The following CBLC variants were observed in gnomAD, a reference collection of about 807,000 sequenced individuals.
The protein encoded by CBLC is Cbl proto-oncogene C, also known as E3 ubiquitin-protein ligase CBL-C.
Under a neutral mutation model 58.6 loss-of-function variants are expected in CBLC, and 46 were observed. The observed-to-expected ratio is 0.79, with a 90% CI of 0.62 to 1.00. CBLC has a LOEUF of 1.00. CBLC is among the 50% of genes least tolerant of loss of function. CBLC has a pLI of 0.00. For missense variants in CBLC, 655 were observed against 625.8 expected (o/e 1.05, Z -0.50); for synonymous variants, 271 against 264.2 (o/e 1.03, Z -0.25).
intron 7 of CBLC, 79 bp from the exon 8 acceptor site, chr19:44,793,395 G>T: frequency 7.0e-7 from 1 of 1,433,632 alleles, no homozygotes; most frequent in Admixed American, 2.6e-5. Flanking sequence ...AATCTTTTGG[G>T]CGGGGAGCTC....
chr19:44,799,890 A>G (rs1332380118), intron 9 of CBLC, among the ~76,000 whole-genome samples: 1 of 152,150 alleles, frequency 6.6e-6, no homozygotes, highest in Non-Finnish European at 1.5e-5. Context: ...GGAAAAGAGA[A>G]TAAAAGAAAG....
chr19:44,782,467 A>G lies in CBLC; in HGVS notation c.755A>G (p.Gln252Arg), dbSNP rs1392563549. 1.2e-6 allele frequency: 2 copies of G among 1,613,700 alleles called. No individual in the cohort carries two copies. The highest frequency in any genetic ancestry group is 2.2e-5 in the East Asian group (1 of 44,854). ...TATGATGAGGTCCAAGAGCGTCTGC[A>G]GGCCTGCAGGGACAAGCCAGGCAGG... ...LTYDEVQERL[Q>R]ACRDKPGSYI... is the part of the protein sequence containing the mutation. The change falls in exon 4 of 11, where the codon CAG (glutamine) becomes CGG (arginine). Residue 252 changes from glutamine (Q) to arginine (R), a missense_variant. Gln to Arg is a conservative substitution (Grantham distance 43). Coordinates refer to ENST00000647358, the MANE Select transcript of CBLC (RefSeq NM_012116.4).
intron 9 of CBLC, among the ~76,000 whole-genome samples, chr19:44,796,844 C>T (rs1968188425): frequency 6.6e-6 from 1 of 151,864 alleles, no homozygotes; most frequent in African/African-American, 2.4e-5. Flanking sequence ...TTCAAACAAA[C>T]AGCTCAGGAA....
At chr19:44,787,384 ACT>A (rs1270277295) in intron 5 of CBLC, among the ~76,000 whole-genome samples, 1 of 151,828 alleles carries the variant, frequency 6.6e-6, no homozygotes, top group East Asian at 1.9e-4. Flanking sequence ...ACAGAACCAG[ACT>A]CTGTCTCAAA....
chr19:44,790,988 A>T (rs1446423215), intron 6 of CBLC, among the ~76,000 whole-genome samples: 3 of 152,040 alleles, frequency 2.0e-5, no homozygotes, highest in Non-Finnish European at 4.4e-5. Context: ...TCACACCTGT[A>T]GTCCCAGCTG....
intron 9 of CBLC, among the ~76,000 whole-genome samples, chr19:44,798,925 A>G (rs1349386409): frequency 5.3e-5 from 8 of 151,984 alleles, no homozygotes; most frequent in Non-Finnish European, 1.0e-4. Context: ...CTTGCCAGCA[A>G]GCCTCCACTC....
At chr19:44,791,647 C>T (rs1408241157) in intron 6 of CBLC, among the ~76,000 whole-genome samples, 1 of 151,296 alleles carries the variant, frequency 6.6e-6, no homozygotes, top group Non-Finnish European at 1.5e-5. Flanking sequence ...GCACAAGAAT[C>T]GCTTGAACCT....
chr19:44,799,537 G>A (rs1350709436), intron 9 of CBLC, among the ~76,000 whole-genome samples: 2 of 152,038 alleles, frequency 1.3e-5, no homozygotes, highest in African/African-American at 4.8e-5. Context: ...TCACCATATT[G>A]GCCAGGCTGG....
intron 8 of CBLC, 54 bp from the exon 9 acceptor site, chr19:44,794,150 C>T (rs1406226791): frequency 4.5e-6 from 7 of 1,568,594 alleles, no homozygotes; most frequent in African/African-American, 2.7e-5. Context: ...AACATGGAGG[C>T]GAGAAGAAAA....
chr19:44,793,871 G>A (rs1026506289), intron 8 of CBLC, among the ~76,000 whole-genome samples: 1 of 150,324 alleles, frequency 6.7e-6, no homozygotes, highest in Non-Finnish European at 1.5e-5. Context: ...ATGGGGACCT[G>A]GACTCCTGGG....
intron 5 of CBLC, among the ~76,000 whole-genome samples, chr19:44,786,992 C>T (rs1260416780): frequency 4.6e-5 from 7 of 152,052 alleles, no homozygotes; most frequent in East Asian, 1.9e-4. Flanking sequence ...GAGGCTGAGA[C>T]GAGAATTGCT....
At position 44,791,258 on chromosome 19, in the gene CBLC, AT is replaced by A. The variant is rs377463262; in HGVS notation, c.1006-1123del. Among the ~76,000 whole-genome samples, 158 of 150,494 alleles carry A rather than the reference AT, an allele frequency of 1.0e-3. 1 individual carries two copies. Among genetic ancestry groups the A allele is most frequent in the African/African-American group, 3.7e-3 (150 of 40,796 alleles). ...GAGTTGGCGGTTGCAGTAGGCCAAGATTGCGACCCTGCACTTCAACCTGGGT... is the reference window on the plus strand; with the variant it reads ...GAGTTGGCGGTTGCAGTAGGCCAAGATGCGACCCTGCACTTCAACCTGGGT... On this transcript the variant is annotated intron_variant, in intron 6 of 10. Transcript: ENST00000647358.
At chr19:44,796,957 A>G (rs1049379712) in intron 9 of CBLC, among the ~76,000 whole-genome samples, 4 of 152,040 alleles carry the variant, frequency 2.6e-5, no homozygotes, top group African/African-American at 9.7e-5. Context: ...CTAAAAACAG[A>G]TCCAACCTGC....
intron 9 of CBLC, among the ~76,000 whole-genome samples, chr19:44,798,475 C>A (rs985935996): frequency 6.6e-5 from 10 of 151,904 alleles, no homozygotes; most frequent in Non-Finnish European, 1.0e-4. Context: ...TTTGGGAGGC[C>A]GAGGTGGGCA....
intron 5 of CBLC, 32 bp from the exon 6 acceptor site, chr19:44,789,972 C>A: frequency 7.1e-7 from 1 of 1,408,672 alleles, no homozygotes; most frequent in Non-Finnish European, 1.0e-6. Flanking sequence ...TACTGGATGG[C>A]CCCCCAGTCC....
At position 44,784,293 on chromosome 19, in the gene CBLC, T is replaced by C; in HGVS notation, c.809T>C (p.Leu270Pro). Residue 270 changes from leucine (L) to proline (P), a missense_variant, in exon 5 of 11, where the codon CTG (leucine) becomes CCG (proline). Physicochemically the swap from Leu to Pro is moderately conservative, Grantham distance 98. Transcript: ENST00000647358. The part of the protein sequence containing the change: ...SYIFRPSCTR[L>P]GQWAIGYVSS... ...ATCTTCCGGCCCAGCTGTACTCGCCTGGGGCAGTGGGCCATCGGCTATGTG... is the reference window on the plus strand; with the variant it reads ...ATCTTCCGGCCCAGCTGTACTCGCCCGGGGCAGTGGGCCATCGGCTATGTG... The C allele has an allele frequency of 1.9e-6, 3 of 1,591,604 alleles. No homozygotes were observed. Among genetic ancestry groups the C allele is most frequent in the Non-Finnish European group, 2.6e-6 (3 of 1,162,004 alleles).
At chr19:44,778,312 T>A in intron 1 of CBLC, 28 bp downstream of exon 1, 1 of 1,403,318 alleles carries the variant, frequency 7.1e-7, no homozygotes, top group Non-Finnish European at 9.2e-7. Context: ...AACAAAGTCC[T>A]CTGGGGTGAG....
At chr19:44,783,186 C>A (rs2122415982) in intron 4 of CBLC, among the ~76,000 whole-genome samples, 1 of 152,238 alleles carries the variant, frequency 6.6e-6, no homozygotes, top group Admixed American at 6.5e-5. Flanking sequence ...GCCTGGCCAA[C>A]ATGGTGAAAC....
At chr19:44,778,344 C>T in intron 1 of CBLC, 60 bp downstream of exon 1, 5 of 1,351,480 alleles carry the variant, frequency 3.7e-6, no homozygotes, top group Admixed American at 3.8e-5. Context: ...GCTCCCAGCC[C>T]CTCCTCCCCC....
Sources: gnomAD v4.1 joint callset for allele counts (sites outside exome capture counted in the v4.1 genomes callset) on GRCh38, gnomAD v4.1.1 for gene constraint, MANE v1.5 for transcripts, NCBI Gene and HGNC (gene_info 2026-07-23, HGNC 2026-07-21) for gene names.